The following CADPS2 variants were observed in gnomAD, a reference collection of about 807,000 sequenced individuals.
The protein encoded by CADPS2 is calcium dependent secretion activator 2, also known as calcium-dependent secretion activator 2.
A neutral mutation model predicts 172.5 loss-of-function variants in CADPS2; 93 were observed. The ratio of observed to expected loss-of-function variants is 0.54; its 90% CI spans 0.46 to 0.64. CADPS2 has a LOEUF of 0.64. CADPS2 is among the 30% of genes least tolerant of loss of function. The pLI is 0.00. For missense variants in CADPS2, 1,420 were observed against 1,565.9 expected (o/e 0.91, Z 1.57); for synonymous variants, 546 against 555.2 (o/e 0.98, Z 0.23).
chr7:122,382,674 C>A (rs1490484090), intron 24 of CADPS2, among the ~76,000 whole-genome samples: 1 of 151,844 alleles, frequency 6.6e-6, no homozygotes, highest in East Asian at 1.9e-4. Flanking sequence ...TTATCAGAGG[C>A]TGGGCATGGT....
intron 6 of CADPS2, among the ~76,000 whole-genome samples, chr7:122,590,337 T>C (rs975016396): frequency 1.2e-4 from 19 of 152,086 alleles, no homozygotes; most frequent in African/African-American, 4.3e-4. Flanking sequence ...TGGTCAAATG[T>C]AATGCATATT....
intron 7 of CADPS2, among the ~76,000 whole-genome samples, chr7:122,573,146 T>C (rs2067496124): frequency 6.6e-6 from 1 of 152,172 alleles, no homozygotes; most frequent in African/African-American, 2.4e-5. Flanking sequence ...CTCAACTCTG[T>C]ATGCACATTA....
chr7:122,640,807 G>A (rs7810196), intron 3 of CADPS2, among the ~76,000 whole-genome samples: 2,095 of 151,878 alleles, frequency 0.014, 43 homozygotes, highest in African/African-American at 0.046. Flanking sequence ...GGCGGCGGGC[G>A]CCTGTAGTCC....
chr7:122,352,541 A>G (rs945536014), intron 27 of CADPS2, among the ~76,000 whole-genome samples: 4 of 152,178 alleles, frequency 2.6e-5, no homozygotes, highest in Non-Finnish European at 4.4e-5. Flanking sequence ...GAAGCAAAAC[A>G]TTCATCTGGA....
intron 9 of CADPS2, among the ~76,000 whole-genome samples, chr7:122,503,911 G>T (rs1296468420): frequency 6.6e-6 from 1 of 152,084 alleles, no homozygotes; most frequent in Non-Finnish European, 1.5e-5. Context: ...TTGTTTTGCA[G>T]GAAAACAAAG....
Position 122,726,272 on chromosome 7 carries a change from A to G in CADPS2, c.453+10683T>C, listed in dbSNP as rs189665978. Among the ~76,000 whole-genome samples, 54 of 152,172 alleles carry G rather than the reference A, an allele frequency of 3.5e-4. 1 individual carries two copies. The highest frequency in any genetic ancestry group is 1.9e-4 in the Non-Finnish European group (13 of 67,980). ...AATTATCCTCCCAATAAGTACTTTG[A>G]TAATCAATACAAAATTAAATTTTAT... On this transcript the variant is annotated intron_variant, in intron 2 of 29. Coordinates refer to ENST00000449022, the MANE Select transcript of CADPS2 (RefSeq NM_017954.11).
intron 25 of CADPS2, among the ~76,000 whole-genome samples, chr7:122,378,324 A>T (rs1274291698): frequency 2.0e-5 from 3 of 152,072 alleles, no homozygotes; most frequent in Non-Finnish European, 2.9e-5. Flanking sequence ...TTTCCAAACT[A>T]TTTTCCAGAA....
chr7:122,370,524 T>C (rs1736992078), intron 25 of CADPS2, among the ~76,000 whole-genome samples: 1 of 152,170 alleles, frequency 6.6e-6, no homozygotes, highest in Non-Finnish European at 1.5e-5. Flanking sequence ...CCAGATTTAC[T>C]TTCATCTACT....
At chr7:122,875,511 G>C (rs1009876202) in intron 1 of CADPS2, among the ~76,000 whole-genome samples, 6 of 152,076 alleles carry the variant, frequency 3.9e-5, no homozygotes, top group African/African-American at 1.4e-4. Context: ...CTAATTATTA[G>C]ATATATAGCA....
intron 17 of CADPS2, among the ~76,000 whole-genome samples, chr7:122,419,585 C>T (rs985620500): frequency 6.6e-6 from 1 of 151,998 alleles, no homozygotes; most frequent in African/African-American, 2.4e-5. Context: ...GGGAGAAAGA[C>T]CGTATCTTTC....
chr7:122,515,193 G>T (rs961864223), intron 8 of CADPS2, among the ~76,000 whole-genome samples: 1 of 152,104 alleles, frequency 6.6e-6, no homozygotes, highest in East Asian at 1.9e-4. Flanking sequence ...TTATGATACC[G>T]TTAATTCATT....
intron 2 of CADPS2, among the ~76,000 whole-genome samples, chr7:122,688,025 C>T (rs2083855603): frequency 6.6e-6 from 1 of 152,216 alleles, no homozygotes; most frequent in South Asian, 2.1e-4. Context: ...TCTTCTACTT[C>T]AAACTTAATT....
chr7:122,820,598 C>T (rs1438789925), intron 1 of CADPS2, among the ~76,000 whole-genome samples: 2 of 106,472 alleles, frequency 1.9e-5, no homozygotes, highest in African/African-American at 3.9e-5. Context: ...CTCGCTCTGT[C>T]GCCCAGGCTG....
intron 1 of CADPS2, among the ~76,000 whole-genome samples, chr7:122,758,482 G>T (rs1293330658): frequency 1.3e-5 from 2 of 152,212 alleles, no homozygotes; most frequent in South Asian, 2.1e-4. Context: ...TCTTATATTT[G>T]ATGTAAAGCA....
At chr7:122,661,954 A>G (rs1050967012) in intron 3 of CADPS2, among the ~76,000 whole-genome samples, 1 of 152,228 alleles carries the variant, frequency 6.6e-6, no homozygotes, top group Admixed American at 6.5e-5. Context: ...TTCCACTATT[A>G]TCAAATAACT....
At chr7:122,357,880 T>C (rs1027868089) in intron 27 of CADPS2, among the ~76,000 whole-genome samples, 6 of 152,194 alleles carry the variant, frequency 3.9e-5, no homozygotes, top group Non-Finnish European at 7.4e-5. Context: ...ATTGACGTAC[T>C]ACAGGACAAT....
At chr7:122,599,241 C>G (rs542875231) in intron 6 of CADPS2, among the ~76,000 whole-genome samples, 5 of 152,098 alleles carry the variant, frequency 3.3e-5, no homozygotes, top group Admixed American at 6.5e-5. Flanking sequence ...AGAATTCCTG[C>G]TTGAAAATAC....
chr7:122,496,145 G>T (rs1047225490), intron 9 of CADPS2, among the ~76,000 whole-genome samples: 7 of 151,526 alleles, frequency 4.6e-5, no homozygotes. Context: ...TCTTCATTTG[G>T]GATATTTATC....
chr7:122,379,427 T>C lies in CADPS2; in HGVS notation c.3328A>G (p.Lys1110Glu), dbSNP rs765278158. Residue 1110 changes from lysine (K) to glutamate (E), a missense_variant, in exon 25 of 30, where the codon AAA (lysine) becomes GAA (glutamate). Transcript: ENST00000449022. ...CTGTTGTCGATCAGATCATCTATTT[T>C]TGAATGGTACTGTTGCTAGATATTA... ...DGGQEQQYHS[K>E]IDDLIDNSVK... 5 of 1,603,326 alleles carry C rather than the reference T, an allele frequency of 3.1e-6. No homozygotes were observed. In the South Asian group the frequency reaches 5.5e-5, roughly 18 times the overall value.
Sources: allele counts gnomAD v4.1 joint callset (sites outside exome capture counted in the v4.1 genomes callset), GRCh38; gene constraint gnomAD v4.1.1; transcripts MANE v1.5; gene names NCBI Gene and HGNC (gene_info 2026-07-23, HGNC 2026-07-21).